Variants in DGKB observed in about 807,000 individuals in gnomAD.
The protein encoded by DGKB is 90 kDa diacylglycerol kinase.
A neutral mutation model predicts 114.3 loss-of-function variants in DGKB; 67 were observed. That is an observed-to-expected ratio of 0.59 (90% CI 0.48 to 0.72). The LOEUF (loss-of-function observed/expected upper bound fraction) is 0.72, where lower values mean the gene tolerates loss of function less well. DGKB is among the 30% of genes least tolerant of loss of function. DGKB has a pLI of 0.00. For synonymous variants in DGKB, 398 were observed against 323.1 expected (o/e 1.23, Z -2.49); for missense variants, 907 against 975.2 (o/e 0.93, Z 0.93).
intron 21 of DGKB, among the ~76,000 whole-genome samples, chr7:14,451,180 T>C (rs1018978025): frequency 6.6e-6 from 1 of 152,090 alleles, no homozygotes; most frequent in African/African-American, 2.4e-5. Flanking sequence ...TTACTCTGTG[T>C]GTGCCTGTGA....
intron 13 of DGKB, among the ~76,000 whole-genome samples, chr7:14,660,294 T>C (rs1295217532): frequency 6.6e-6 from 1 of 151,808 alleles, no homozygotes; most frequent in African/African-American, 2.4e-5. Context: ...ATTGGAATAG[T>C]TTCAGAAGGA....
chr7:14,764,310 T>A (rs904612362), intron 2 of DGKB, among the ~76,000 whole-genome samples: 8 of 152,024 alleles, frequency 5.3e-5, no homozygotes, highest in Non-Finnish European at 1.2e-4. Flanking sequence ...TTTAATTGTA[T>A]AATTGTATAG....
chr7:14,226,556 A>T (rs892659771), intron 23 of DGKB, among the ~76,000 whole-genome samples: 7 of 152,016 alleles, frequency 4.6e-5, no homozygotes, highest in African/African-American at 1.7e-4. Flanking sequence ...TATCTCTTTT[A>T]AATTTTAACA....
chr7:14,256,393 T>C lies in DGKB; in HGVS notation c.2123-78242A>G, dbSNP rs1456510982. On this transcript the variant is annotated intron_variant, in intron 23 of 25. Transcript: ENST00000402815. Reference sequence around the variant, plus strand: ...TGTAGTACTTTTATAATTTTCCCTTTAAATACCACTTGAAAGCCTCTCTTA... The same window carrying C: ...TGTAGTACTTTTATAATTTTCCCTTCAAATACCACTTGAAAGCCTCTCTTA... 3.9e-5 allele frequency among the ~76,000 whole-genome samples: 6 copies of C among 152,046 alleles called. 1 individual carries two copies. The East Asian group carries it at 1.2e-3, about 29-fold the overall frequency.
intron 1 of DGKB, among the ~76,000 whole-genome samples, chr7:14,908,363 A>G (rs1783818374): frequency 1.3e-5 from 2 of 152,186 alleles, no homozygotes; most frequent in Admixed American, 6.5e-5. Context: ...AATTATATTC[A>G]TATTTACACA....
intron 1 of DGKB, among the ~76,000 whole-genome samples, chr7:14,930,404 GT>G (rs1460648669): frequency 2.6e-5 from 4 of 152,008 alleles, no homozygotes; most frequent in Non-Finnish European, 5.9e-5. Flanking sequence ...GTGTTTTGTA[GT>G]TTTTCTTGTA....
chr7:14,251,250 C>T (rs1795193910), intron 23 of DGKB, among the ~76,000 whole-genome samples: 1 of 151,972 alleles, frequency 6.6e-6, no homozygotes, highest in South Asian at 2.1e-4. Flanking sequence ...GCTTTTTGTG[C>T]TGCTATACTG....
In DGKB at chr7:14,785,218, C is replaced by T. The variant is rs1253828147; in HGVS notation, c.71-27487G>A. ...AAGTAATGTTATATAAAATATGGCA[C>T]TTTAAAGGTTTATAAATAACAAATA... On this transcript the variant is annotated intron_variant, in intron 2 of 25. Coordinates refer to ENST00000402815, the MANE Select transcript of DGKB (RefSeq NM_001350709.2). Among the ~76,000 whole-genome samples the T allele has an allele frequency of 2.6e-5, 4 of 152,108 alleles. No homozygotes were observed. The East Asian group carries it at 7.7e-4, about 29-fold the overall frequency.
rs1785478256 is a variant in DGKB at position 14,939,890 on chromosome 7, G to C, written c.-188+34806C>G. On this transcript the variant is annotated intron_variant, in intron 1 of 4. Coordinates refer to the DGKB transcript ENST00000437998. ...GGCCTCCCAAAGTGCTGGGATTACA[G>C]GCGTGAGCCACCACACCCAGCCAAT... Among the ~76,000 whole-genome samples, 3 of 152,066 alleles carry C rather than the reference G, an allele frequency of 2.0e-5. No homozygotes were observed. The South Asian group carries it at 6.2e-4, about 31-fold the overall frequency.
At position 14,773,388 on chromosome 7, in the gene DGKB, T is replaced by C. The variant is rs185084753; in HGVS notation, c.71-15657A>G. Among the ~76,000 whole-genome samples the C allele has an allele frequency of 2.7e-3, 408 of 152,246 alleles. 1 individual carries two copies. The highest frequency in any genetic ancestry group is 9.4e-3 in the African/African-American group (392 of 41,576). ...CTATTAAAAAAATCAATGTTTAACA[T>C]GTTTACAATAATGTGTTCGATTCAG... On this transcript the variant is annotated intron_variant, in intron 2 of 25. Coordinates refer to ENST00000402815, the MANE Select transcript of DGKB (RefSeq NM_001350709.2).
intron 21 of DGKB, among the ~76,000 whole-genome samples, chr7:14,456,374 T>C (rs936899899): frequency 4.6e-5 from 7 of 152,066 alleles, no homozygotes; most frequent in Non-Finnish European, 8.8e-5. Flanking sequence ...CTGTATAATA[T>C]AAGCTAAAAA....
chr7:14,739,041 T>C (rs1429491781), intron 4 of DGKB, among the ~76,000 whole-genome samples: 1 of 152,248 alleles, frequency 6.6e-6, no homozygotes, highest in Non-Finnish European at 1.5e-5. Context: ...GTCCCAAGTG[T>C]ATGCTCTTTA....
chr7:14,874,411 T>A (rs974642429), intron 1 of DGKB, among the ~76,000 whole-genome samples: 7 of 152,102 alleles, frequency 4.6e-5, no homozygotes, highest in Non-Finnish European at 8.8e-5. Flanking sequence ...CTAACATTAA[T>A]GTATAGTTTT....
intron 23 of DGKB, among the ~76,000 whole-genome samples, chr7:14,202,744 T>TTGTCAGG (rs1249061205): frequency 6.6e-6 from 1 of 151,976 alleles, no homozygotes; most frequent in Non-Finnish European, 1.5e-5. Flanking sequence ...GAAACAGAAG[T>TTGTCAGG]TGTCAGGTAC....
intron 21 of DGKB, among the ~76,000 whole-genome samples, chr7:14,393,994 AAAGT>A (rs748976795): frequency 2.0e-5 from 3 of 152,298 alleles, no homozygotes; most frequent in South Asian, 4.1e-4. Context: ...AGAAAAAAAA[AAAGT>A]AAGCACTTAG....
intron 7 of DGKB, among the ~76,000 whole-genome samples, chr7:14,698,563 C>T (rs1378563865): frequency 6.6e-6 from 1 of 152,088 alleles, no homozygotes; most frequent in Non-Finnish European, 1.5e-5. Context: ...TTGAGGACAA[C>T]TGAGAAGTCT....
rs1563437333 is a variant in DGKB, at chr7:14,536,561, T to A, written c.1770+37651A>T. 5.9e-5 allele frequency among the ~76,000 whole-genome samples: 9 copies of A among 152,090 alleles called. 1 individual carries two copies. ...ACCTTAGCAAACAAAAGAAGGAGAA[T>A]AACCACAAAACAATCTCAAAAGATG... On this transcript the variant is annotated intron_variant, in intron 20 of 25. Transcript: ENST00000402815.
intron 23 of DGKB, among the ~76,000 whole-genome samples, chr7:14,240,385 G>A (rs76121015): frequency 0.025 from 3,869 of 152,072 alleles, 164 homozygotes; most frequent in African/African-American, 0.089. Flanking sequence ...TTCAATAATT[G>A]CATAATTATT....
intron 23 of DGKB, among the ~76,000 whole-genome samples, chr7:14,213,953 T>C (rs1788550383): frequency 6.6e-6 from 1 of 152,166 alleles, no homozygotes; most frequent in Non-Finnish European, 1.5e-5. Flanking sequence ...ATTAGTATAG[T>C]GAGGTTTTAC....
Sources: allele counts gnomAD v4.1 joint callset (sites outside exome capture counted in the v4.1 genomes callset), GRCh38; gene constraint gnomAD v4.1.1; transcripts MANE v1.5; gene names NCBI Gene and HGNC (gene_info 2026-07-23, HGNC 2026-07-21).